The following RORA variants were observed in gnomAD, a reference collection of about 807,000 sequenced individuals.
RORA encodes nuclear receptor ROR-alpha.
A neutral mutation model predicts 69.5 loss-of-function variants in RORA; 7 were observed. The observed-to-expected ratio is 0.10, with a 90% CI of 0.06 to 0.19. The LOEUF (loss-of-function observed/expected upper bound fraction) is 0.19, where lower values mean the gene tolerates loss of function less well. Among genes scored for constraint, RORA ranks in the 10% least tolerant of loss-of-function variants. RORA has a pLI of 1.00. For missense variants in RORA, 457 were observed against 663.0 expected, an observed-to-expected ratio of 0.69 and a Z score of 3.41; for synonymous variants, 261 against 240.8, an observed-to-expected ratio of 1.08 and a Z score of -0.78.
chr15:60,707,037 T>C (rs1178016676), intron 1 of RORA, among the ~76,000 whole-genome samples: 2 of 152,224 alleles, frequency 1.3e-5, no homozygotes, highest in African/African-American at 4.8e-5. Flanking sequence ...GTTGTGCAAA[T>C]GGAGGCATAC....
chr15:60,866,676 C>G (rs1269276167), intron 1 of RORA, among the ~76,000 whole-genome samples: 10 of 152,108 alleles, frequency 6.6e-5, no homozygotes, highest in Non-Finnish European at 2.9e-5. Context: ...CATGACAAAG[C>G]TGCCATAAAA....
At chr15:60,630,316 A>G (rs1195067737) in intron 2 of RORA, 1 of 152,272 alleles carries the variant, frequency 6.6e-6, no homozygotes, top group African/African-American at 2.4e-5. Flanking sequence ...AGCCTCGGAA[A>G]GCATATGGCA....
intron 1 of RORA, among the ~76,000 whole-genome samples, chr15:60,775,619 C>T (rs1314887164): frequency 6.6e-6 from 1 of 152,288 alleles, no homozygotes; most frequent in Non-Finnish European, 1.5e-5. Context: ...TTACCCCCTA[C>T]TCAAGGCACG....
At chr15:60,800,936 G>A (rs1010912428) in intron 1 of RORA, among the ~76,000 whole-genome samples, 2 of 152,212 alleles carry the variant, frequency 1.3e-5, no homozygotes, top group African/African-American at 4.8e-5. Flanking sequence ...GGGCCACGTT[G>A]AGCCTGCATT....
At chr15:60,986,611 G>C (rs3803480) in intron 1 of RORA, among the ~76,000 whole-genome samples, 32,057 of 152,086 alleles carry the variant, frequency 0.21, 3,620 homozygotes, top group African/African-American at 0.27. Flanking sequence ...GGTTATCAGG[G>C]ACAGGGTGAA....
chr15:60,894,922 G>T (rs1221371057), intron 1 of RORA, among the ~76,000 whole-genome samples: 1 of 152,180 alleles, frequency 6.6e-6, no homozygotes, highest in Non-Finnish European at 1.5e-5. Flanking sequence ...AGGGCTCGTT[G>T]TCACAGCATC....
chr15:60,998,555 G>A (rs112398504), intron 1 of RORA, among the ~76,000 whole-genome samples: 17,367 of 152,022 alleles, frequency 0.11, 1,116 homozygotes, highest in South Asian at 0.18. Flanking sequence ...ATGCCACCAC[G>A]CCCAGATAAT....
At chr15:60,650,991 A>G (rs1264689475) in intron 2 of RORA, among the ~76,000 whole-genome samples, 2 of 152,102 alleles carry the variant, frequency 1.3e-5, no homozygotes, top group African/African-American at 4.8e-5. Flanking sequence ...TTTTGCCTCT[A>G]ATGTCCGAGT....
chr15:61,122,968 A>G (rs947449043), intron 1 of RORA, among the ~76,000 whole-genome samples: 2 of 152,234 alleles, frequency 1.3e-5, no homozygotes, highest in Admixed American at 1.3e-4. Flanking sequence ...AAGCTAGATT[A>G]CAAAGGTACA....
At chr15:60,510,825 C>T (rs532822526) in intron 5 of RORA, among the ~76,000 whole-genome samples, 2 of 151,318 alleles carry the variant, frequency 1.3e-5, no homozygotes, top group African/African-American at 4.9e-5. Flanking sequence ...AAACTCTGCC[C>T]TGGGCAAAAA....
chr15:60,779,928 C>T (rs2072229738), intron 1 of RORA, among the ~76,000 whole-genome samples: 1 of 152,182 alleles, frequency 6.6e-6, no homozygotes, highest in South Asian at 2.1e-4. Context: ...AGCCTTCCCT[C>T]ATCAGAAACA....
At chr15:60,812,140 C>G in intron 1 of RORA, among the ~76,000 whole-genome samples, 1 of 152,198 alleles carries the variant, frequency 6.6e-6, no homozygotes, top group East Asian at 1.9e-4. Flanking sequence ...TGCTTAACCA[C>G]TCTGTGCCTT....
intron 2 of RORA, chr15:60,627,532 G>A (rs1596076837): frequency 8.5e-6 from 12 of 1,416,482 alleles, no homozygotes; most frequent in Non-Finnish European, 1.0e-5. Flanking sequence ...CTGTGAATCT[G>A]CTGCCATGGG....
intron 2 of RORA, among the ~76,000 whole-genome samples, chr15:60,575,326 T>A (rs2067994242): frequency 6.6e-6 from 1 of 152,226 alleles, no homozygotes; most frequent in African/African-American, 2.4e-5. Flanking sequence ...AGGCTGATAC[T>A]TGGCCTTCAT....
intron 2 of RORA, among the ~76,000 whole-genome samples, chr15:60,669,420 C>T (rs990850987): frequency 6.6e-6 from 1 of 151,566 alleles, no homozygotes; most frequent in Non-Finnish European, 1.5e-5. Flanking sequence ...GTAGTTCTAA[C>T]TAAGGATAAA....
At chr15:61,119,701 G>A (rs1423081199) in intron 1 of RORA, among the ~76,000 whole-genome samples, 1 of 152,082 alleles carries the variant, frequency 6.6e-6, no homozygotes, top group Non-Finnish European at 1.5e-5. Context: ...CTCCTTCCCT[G>A]TCCCCAACCA....
chr15:60,897,439 G>T (rs1392443406), intron 1 of RORA, among the ~76,000 whole-genome samples: 3 of 152,180 alleles, frequency 2.0e-5, no homozygotes, highest in African/African-American at 7.2e-5. Context: ...TAGAGGAAGA[G>T]GGGTGTAAAT....
chr15:61,021,572 G>A (rs1895525381), intron 1 of RORA, among the ~76,000 whole-genome samples: 1 of 152,170 alleles, frequency 6.6e-6, no homozygotes, highest in Non-Finnish European at 1.5e-5. Context: ...ACCTGACCCT[G>A]GATCCCACAC....
At chr15:61,015,061 C>T (rs140310176) in intron 1 of RORA, among the ~76,000 whole-genome samples, 5 of 152,248 alleles carry the variant, frequency 3.3e-5, no homozygotes, top group South Asian at 2.1e-4. Context: ...GTTAAACTAC[C>T]GCAAAATAAG....
Sources: gnomAD v4.1 joint callset for allele counts (sites outside exome capture counted in the v4.1 genomes callset) on GRCh38, gnomAD v4.1.1 for gene constraint, MANE v1.5 for transcripts, NCBI Gene and HGNC (gene_info 2026-07-23, HGNC 2026-07-21) for gene names.